The following TAS2R1 variants were observed in gnomAD, a reference collection of about 807,000 sequenced individuals.
TAS2R1 encodes the protein taste 2 receptor member 1, also known as taste receptor type 2 member 1.
For synonymous variants in TAS2R1, 141 were observed against 134.2 expected, an observed-to-expected ratio of 1.05 and a Z score of -0.35; for missense variants, 370 against 353.4, an observed-to-expected ratio of 1.05 and a Z score of -0.38.
intron 2 of TAS2R1, among the ~76,000 whole-genome samples, chr5:9,650,023 T>C (rs140134948): frequency 6.6e-6 from 1 of 152,296 alleles, no homozygotes; most frequent in East Asian, 1.9e-4. Flanking sequence ...GAGATTGTTA[T>C]ATAGTCTGGA....
chr5:9,872,654 C>T, the TAS2R1 span, among the ~76,000 whole-genome samples: 1 of 152,096 alleles, frequency 6.6e-6, no homozygotes. Context: ...TATAGATATG[C>T]CCAGAAATTA....
chr5:9,808,177 G>T, the TAS2R1 span, among the ~76,000 whole-genome samples: 10 of 152,224 alleles, frequency 6.6e-5, no homozygotes, highest in Non-Finnish European at 1.3e-4. Flanking sequence ...CACCTTCTTA[G>T]AGACTACATA....
At chr5:9,849,835 C>T in the TAS2R1 span, among the ~76,000 whole-genome samples, 5 of 152,324 alleles carry the variant, frequency 3.3e-5, no homozygotes, top group East Asian at 9.6e-4. Flanking sequence ...GTCTCCCAGG[C>T]AAGCTCCCAT....
At chr5:9,843,603 A>T in the TAS2R1 span, among the ~76,000 whole-genome samples, 1 of 152,250 alleles carries the variant, frequency 6.6e-6, no homozygotes. Flanking sequence ...ACTATTTCAC[A>T]GTTTCCATCC....
the TAS2R1 span, among the ~76,000 whole-genome samples, chr5:9,831,519 T>C: frequency 3.3e-5 from 5 of 152,234 alleles, no homozygotes; most frequent in East Asian, 9.6e-4. Context: ...TAAAAGAAAA[T>C]TCAGTGAAAG....
the TAS2R1 span, among the ~76,000 whole-genome samples, chr5:9,834,753 T>TA: frequency 0.3 from 43,826 of 145,410 alleles, 6,578 homozygotes; most frequent in Middle Eastern, 0.42. Flanking sequence ...ATTACTGCAT[T>TA]AAAAAAAAAA....
chr5:9,839,868 A>G, the TAS2R1 span, among the ~76,000 whole-genome samples: 1 of 152,140 alleles, frequency 6.6e-6, no homozygotes, highest in African/African-American at 2.4e-5. Context: ...CAGTCATTTT[A>G]ATACAGAATA....
At chr5:9,656,245 G>A (rs1740416643) in intron 2 of TAS2R1, among the ~76,000 whole-genome samples, 1 of 152,186 alleles carries the variant, frequency 6.6e-6, no homozygotes, top group African/African-American at 2.4e-5. Flanking sequence ...AAATTATCGA[G>A]TATCAGCAAG....
chr5:9,763,125 C>G, the TAS2R1 span, among the ~76,000 whole-genome samples: 1 of 152,116 alleles, frequency 6.6e-6, no homozygotes, highest in African/African-American at 2.4e-5. Context: ...TTACGCTTAA[C>G]CTTCGGAGAA....
chr5:9,634,344 C>A (rs1360360703), upstream of TAS2R1, among the ~76,000 whole-genome samples: 4 of 152,096 alleles, frequency 2.6e-5, no homozygotes, highest in East Asian at 1.9e-4. Context: ...GTAACTATAG[C>A]TTTTTAGCAT....
chr5:9,733,880 G>C, the TAS2R1 span, among the ~76,000 whole-genome samples: 5 of 151,574 alleles, frequency 3.3e-5, no homozygotes, highest in African/African-American at 1.2e-4. Context: ...TCTGAGAAGA[G>C]CATATTATGA....
At chr5:9,786,636 G>C in the TAS2R1 span, among the ~76,000 whole-genome samples, 115 of 152,282 alleles carry the variant, frequency 7.6e-4, no homozygotes, top group African/African-American at 2.6e-3. Flanking sequence ...GCTGAGCATC[G>C]AGATTCCATA....
At chr5:9,825,263 C>G in the TAS2R1 span, among the ~76,000 whole-genome samples, 5 of 152,178 alleles carry the variant, frequency 3.3e-5, no homozygotes, top group Non-Finnish European at 7.3e-5. Flanking sequence ...ACTCACAGTT[C>G]CACATGGCTG....
intron 1 of TAS2R1, among the ~76,000 whole-genome samples, chr5:9,673,389 G>A (rs1324044523): frequency 6.6e-6 from 1 of 152,114 alleles, no homozygotes; most frequent in Non-Finnish European, 1.5e-5. Flanking sequence ...AGTGGAAGGA[G>A]ATACAACAAA....
At chr5:9,716,619 T>C (rs1579798129), upstream of TAS2R1, among the ~76,000 whole-genome samples, 4 of 152,058 alleles carry the variant, frequency 2.6e-5, no homozygotes, top group East Asian at 7.7e-4. Flanking sequence ...CCTAGACTAA[T>C]GAGTTCCCCC....
At chr5:9,813,192 G>A in the TAS2R1 span, among the ~76,000 whole-genome samples, 1 of 152,126 alleles carries the variant, frequency 6.6e-6, no homozygotes, top group Non-Finnish European at 1.5e-5. Flanking sequence ...GAGACAAAGG[G>A]AGAAGATGGT....
At chr5:9,804,180 C>A in the TAS2R1 span, among the ~76,000 whole-genome samples, 1 of 152,110 alleles carries the variant, frequency 6.6e-6, no homozygotes, top group South Asian at 2.1e-4. Context: ...ACTAATGCAA[C>A]AGGAAAATAT....
At chr5:9,677,558 A>T (rs1451392090) in intron 1 of TAS2R1, among the ~76,000 whole-genome samples, 1 of 152,222 alleles carries the variant, frequency 6.6e-6, no homozygotes, top group Non-Finnish European at 1.5e-5. Context: ...CCAAAGGCAA[A>T]CAAGCATGTG....
chr5:9,825,533 T>C, the TAS2R1 span, among the ~76,000 whole-genome samples: 1 of 152,194 alleles, frequency 6.6e-6, no homozygotes, highest in Non-Finnish European at 1.5e-5. Context: ...CCACATCACA[T>C]TCTTCTGTAA....
Sources: allele counts gnomAD v4.1 joint callset (sites outside exome capture counted in the v4.1 genomes callset), GRCh38; gene constraint gnomAD v4.1.1; transcripts MANE v1.5; gene names NCBI Gene and HGNC (gene_info 2026-07-23, HGNC 2026-07-21).